The following ERBB4 variants were observed in gnomAD, a reference collection of about 807,000 sequenced individuals.
ERBB4 encodes the protein receptor tyrosine-protein kinase erbB-4.
Under a neutral mutation model 158.0 loss-of-function variants are expected in ERBB4, and 42 were observed. That is an observed-to-expected ratio of 0.27 (90% CI 0.21 to 0.34). The LOEUF is 0.34. Ranked by LOEUF, ERBB4 falls within the 10% of genes least tolerant of loss-of-function variation. The pLI, the probability that ERBB4 is intolerant of heterozygous loss-of-function variation, is 1.00. For missense variants in ERBB4, 1,333 were observed against 1,624.1 expected (o/e 0.82, Z 3.08); for synonymous variants, 583 against 558.7 (o/e 1.04, Z -0.61).
intron 2 of ERBB4, among the ~76,000 whole-genome samples, chr2:212,011,410 A>G (rs2076383072): frequency 6.6e-6 from 1 of 152,098 alleles, no homozygotes; most frequent in South Asian, 2.1e-4. Context: ...ATTATCACAG[A>G]AAGTTCTATT....
intron 1 of ERBB4, among the ~76,000 whole-genome samples, chr2:212,382,803 C>T (rs77417292): frequency 0.02 from 3,099 of 151,180 alleles, 50 homozygotes; most frequent in Non-Finnish European, 0.031. Flanking sequence ...TATTTTATTG[C>T]TAGAGAAGTT....
chr2:211,685,298 T>C (rs975724544), intron 12 of ERBB4, among the ~76,000 whole-genome samples: 32 of 152,334 alleles, frequency 2.1e-4, no homozygotes, highest in African/African-American at 7.5e-4. Flanking sequence ...TGAAAGTTAA[T>C]GTTTTTATAA....
intron 4 of ERBB4, among the ~76,000 whole-genome samples, chr2:211,772,838 CATATATATATATAT>C (rs1278564933): frequency 1.1e-4 from 2 of 18,304 alleles, no homozygotes; most frequent in Non-Finnish European, 2.0e-4. Context: ...TATATATACA[CATATATATATATAT>C]ATATATATAT....
chr2:211,749,865 T>G (rs145943804), intron 5 of ERBB4, among the ~76,000 whole-genome samples: 93 of 152,306 alleles, frequency 6.1e-4, no homozygotes, highest in African/African-American at 2.1e-3. Context: ...CATATCATAT[T>G]TCAGTCATTT....
intron 1 of ERBB4, among the ~76,000 whole-genome samples, chr2:212,485,383 G>C (rs1274530889): frequency 6.6e-6 from 1 of 151,988 alleles, no homozygotes; most frequent in East Asian, 1.9e-4. Flanking sequence ...TTCTCAACTA[G>C]AAATATAAAC....
At chr2:211,998,625 C>G (rs2076028480) in intron 2 of ERBB4, among the ~76,000 whole-genome samples, 1 of 151,086 alleles carries the variant, frequency 6.6e-6, no homozygotes, top group Non-Finnish European at 1.5e-5. Context: ...TGTAAGACAG[C>G]ATTTTGTTTT....
At chr2:211,782,026 T>C (rs2076049616) in intron 4 of ERBB4, among the ~76,000 whole-genome samples, 1 of 152,146 alleles carries the variant, frequency 6.6e-6, no homozygotes, top group Admixed American at 6.5e-5. Flanking sequence ...GACCTCTTTA[T>C]TAAGGTCTTT....
At chr2:211,738,891 G>A (rs1474755125) in intron 5 of ERBB4, among the ~76,000 whole-genome samples, 1 of 151,992 alleles carries the variant, frequency 6.6e-6, no homozygotes, top group Admixed American at 6.5e-5. Flanking sequence ...CACCTGCCTT[G>A]GCCTCCTAAA....
chr2:212,498,483 C>T (rs771286211), intron 1 of ERBB4, among the ~76,000 whole-genome samples: 7 of 152,070 alleles, frequency 4.6e-5, no homozygotes, highest in Non-Finnish European at 1.0e-4. Context: ...GAGATACATT[C>T]CTATTGCAAA....
At chr2:212,223,160 A>G (rs2083353072) in intron 1 of ERBB4, among the ~76,000 whole-genome samples, 1 of 151,322 alleles carries the variant, frequency 6.6e-6, no homozygotes, top group Non-Finnish European at 1.5e-5. Flanking sequence ...ATTTAACTAG[A>G]CATACTGTAT....
At chr2:212,521,438 C>T (rs1161041337) in intron 1 of ERBB4, among the ~76,000 whole-genome samples, 1 of 151,692 alleles carries the variant, frequency 6.6e-6, no homozygotes, top group Non-Finnish European at 1.5e-5. Flanking sequence ...TATTGTATCA[C>T]CTGTTTATAT....
At chr2:211,842,255 G>GT (rs66970586) in intron 3 of ERBB4, among the ~76,000 whole-genome samples, 2,078 of 150,458 alleles carry the variant, frequency 0.014, 54 homozygotes, top group African/African-American at 0.047. Context: ...AGGCTGTTGG[G>GT]TTTTTTTTTG....
intron 2 of ERBB4, among the ~76,000 whole-genome samples, chr2:211,985,740 A>C (rs944928942): frequency 3.9e-4 from 60 of 152,010 alleles, no homozygotes; most frequent in Non-Finnish European, 7.8e-4. Flanking sequence ...TGTAAACAAA[A>C]ATTTATTTAA....
At chr2:211,959,939 T>C (rs2081136302) in intron 2 of ERBB4, among the ~76,000 whole-genome samples, 1 of 151,978 alleles carries the variant, frequency 6.6e-6, no homozygotes, top group Non-Finnish European at 1.5e-5. Context: ...TTCTGAATAT[T>C]AGAAAGTAAT....
At chr2:212,369,356 C>T (rs575161753) in intron 1 of ERBB4, among the ~76,000 whole-genome samples, 2 of 152,230 alleles carry the variant, frequency 1.3e-5, no homozygotes, top group South Asian at 4.1e-4. Flanking sequence ...CTACCTGACC[C>T]TGGTACGCAT....
chr2:212,174,457 G>C (rs2081603404), intron 1 of ERBB4, among the ~76,000 whole-genome samples: 1 of 152,050 alleles, frequency 6.6e-6, no homozygotes, highest in African/African-American at 2.4e-5. Context: ...CAATTTATAT[G>C]AAATGTGACA....
chr2:211,955,859 T>C (rs1559181222), intron 2 of ERBB4, among the ~76,000 whole-genome samples: 2 of 152,166 alleles, frequency 1.3e-5, no homozygotes, highest in African/African-American at 2.4e-5. Flanking sequence ...TGAACATTCT[T>C]TTTTTAAATA....
chr2:212,410,728 A>G (rs1313796220), intron 1 of ERBB4, among the ~76,000 whole-genome samples: 1 of 152,096 alleles, frequency 6.6e-6, no homozygotes, highest in Non-Finnish European at 1.5e-5. Flanking sequence ...AAATAGTTAT[A>G]TTACTTCCCC....
chr2:212,086,462 A>G (rs2125481454), intron 2 of ERBB4, among the ~76,000 whole-genome samples: 4 of 152,050 alleles, frequency 2.6e-5, no homozygotes, highest in Admixed American at 2.6e-4. Flanking sequence ...AAAGAAAACC[A>G]AATCTTATCT....
Sources: gnomAD v4.1 joint callset for allele counts (sites outside exome capture counted in the v4.1 genomes callset) on GRCh38, gnomAD v4.1.1 for gene constraint, MANE v1.5 for transcripts, NCBI Gene and HGNC (gene_info 2026-07-23, HGNC 2026-07-21) for gene names.